ANKFY1: variants seen among roughly 807,000 people sequenced by gnomAD.
ANKFY1 encodes ankyrin repeat and FYVE domain containing 1.
In ANKFY1, 47 loss-of-function variants were observed where a neutral mutation model predicts 128.3. That is an observed-to-expected ratio of 0.37 (90% CI 0.29 to 0.47). The LOEUF (loss-of-function observed/expected upper bound fraction) is 0.47. Among genes scored for constraint, ANKFY1 ranks in the 20% least tolerant of loss-of-function variants. The pLI is 1.00. For synonymous variants in ANKFY1, 553 were observed against 601.6 expected, an observed-to-expected ratio of 0.92 and a Z score of 1.18; for missense variants, 1,222 against 1,510.6, an observed-to-expected ratio of 0.81 and a Z score of 3.17.
At chr17:4,223,159 G>A in intron 3 of ANKFY1, 1 of 788,114 alleles carries the variant, frequency 1.3e-6, no homozygotes, top group Non-Finnish European at 2.3e-6. Context: ...AGGTGACAAT[G>A]ATGCTCACTG....
chr17:4,238,970 C>CTGG (rs1216410965), intron 2 of ANKFY1, among the ~76,000 whole-genome samples: 1 of 151,894 alleles, frequency 6.6e-6, no homozygotes, highest in Non-Finnish European at 1.5e-5. Context: ...TTTGGCCAGG[C>CTGG]TGGTGTCAAA....
intron 3 of ANKFY1, among the ~76,000 whole-genome samples, chr17:4,227,457 GTGTT>G (rs948899746): frequency 9.9e-5 from 15 of 152,152 alleles, no homozygotes; most frequent in African/African-American, 3.1e-4. Flanking sequence ...GTCAAAGAAA[GTGTT>G]TGGCAAAATT....
chr17:4,194,458 CTT>C (rs3051790), intron 10 of ANKFY1: 4 of 101,938 alleles, frequency 3.9e-5, no homozygotes, highest in Middle Eastern at 6.9e-3. Flanking sequence ...TAATATCCAT[CTT>C]TTTTTTTTTT....
Position 4,203,827 on chromosome 17 carries a change from CAA to C in ANKFY1, c.898+2492_898+2493del, listed in dbSNP as rs773865349. Among the ~76,000 whole-genome samples the C allele has an allele frequency of 6.4e-5, 5 of 77,828 alleles. No individual in the cohort carries two copies. In the South Asian group the frequency reaches 2.7e-3, roughly 42 times the overall value. 51.1% of individuals were successfully genotyped at this position (77,828 alleles called of 152,430 possible). ...CGAAACTCCGTCTCAACAACAACAA[CAA>C]AAAAAAAAAAAAAAAGAAAGAAAGA... On this transcript the variant is annotated intron_variant, in intron 7 of 24. Transcript: ENST00000341657.
intron 2 of ANKFY1, 97 bp downstream of exon 2, chr17:4,242,159 A>T: frequency 8.1e-7 from 1 of 1,228,386 alleles, no homozygotes; most frequent in Non-Finnish European, 1.1e-6. Flanking sequence ...TATCCTCATT[A>T]GAGATAAATA....
intron 5 of ANKFY1, 41 bp downstream of exon 5, chr17:4,209,783 G>A: frequency 6.4e-7 from 1 of 1,569,868 alleles, no homozygotes; most frequent in African/African-American, 1.3e-5. Flanking sequence ...TCTCCTGACT[G>A]CCAGCTAGAG....
At chr17:4,213,153 A>G (rs2060164280) in intron 4 of ANKFY1, among the ~76,000 whole-genome samples, 1 of 152,164 alleles carries the variant, frequency 6.6e-6, no homozygotes, top group Admixed American at 6.5e-5. Context: ...TCTGTTTAGC[A>G]GTAAATGCAG....
Position 4,164,837 on chromosome 17 carries a change from A to G in ANKFY1, c.*2942T>C, listed in dbSNP as rs746476086. On this transcript the variant is annotated 3_prime_UTR_variant, in exon 25 of 25. Transcript: ENST00000341657. ...CATTCAGGGACAAGAGTGAGGACACAGAACGGGGTGGTCAGAAATGACTCG... is the reference window on the plus strand; with the variant it reads ...CATTCAGGGACAAGAGTGAGGACACGGAACGGGGTGGTCAGAAATGACTCG... 2 of 152,670 alleles carry G rather than the reference A, an allele frequency of 1.3e-5. No homozygotes were observed. The highest frequency in any genetic ancestry group is 2.9e-5 in the Non-Finnish European group (2 of 68,068). 9.5% of individuals were successfully genotyped at this position (152,670 alleles called of 1,614,324 possible).
intron 19 of ANKFY1, 46 bp from the exon 20 acceptor site, chr17:4,174,102 A>G: frequency 6.2e-7 from 1 of 1,601,566 alleles, no homozygotes; most frequent in Non-Finnish European, 8.5e-7. Context: ...TGCCACAATC[A>G]AGATCCCCCT....
chr17:4,165,231 T>C lies in ANKFY1; in HGVS notation c.*2548A>G, dbSNP rs956593812. The C allele has an allele frequency of 1.3e-5, 2 of 152,270 alleles. No individual in the cohort carries two copies. The highest frequency in any genetic ancestry group is 4.8e-5 in the African/African-American group (2 of 41,476). 9.4% of individuals were successfully genotyped at this position (152,270 alleles called of 1,614,324 possible). On this transcript the variant is annotated 3_prime_UTR_variant, in exon 25 of 25. Coordinates refer to ENST00000341657, the MANE Select transcript of ANKFY1 (RefSeq NM_001330063.2). ...ATACACTGGATAATAAATCTGGCGA[T>C]GAGCAAAGGGCAGTTGAGAGCACAT... is the stretch of plus-strand genomic sequence containing the variant.
At position 4,167,657 on chromosome 17, in the gene ANKFY1, T is replaced by C. The variant is rs2059233446; in HGVS notation, c.*122A>G. On this transcript the variant is annotated 3_prime_UTR_variant, in exon 25 of 25. Coordinates refer to ENST00000341657, the MANE Select transcript of ANKFY1 (RefSeq NM_001330063.2). The surrounding 1 kb of genome is among the most constrained non-coding windows in gnomAD (Gnocchi z 4.1). ...TCTATCACACCATGGTCCTTAATCGTTCCAGTCTATTGCCGCAGGAAGACA... is the reference window on the plus strand; with the variant it reads ...TCTATCACACCATGGTCCTTAATCGCTCCAGTCTATTGCCGCAGGAAGACA... 5.2e-6 allele frequency: 5 copies of C among 953,914 alleles called. No individual in the cohort carries two copies. The South Asian group carries it at 1.0e-4, about 20-fold the overall frequency. The allele number at this position is 953,914 out of a possible 1,614,324, so 59.1% of individuals were successfully genotyped here.
At chr17:4,212,720 GAAGA>G (rs1398231635) in intron 4 of ANKFY1, among the ~76,000 whole-genome samples, 2 of 150,832 alleles carry the variant, frequency 1.3e-5, no homozygotes, top group African/African-American at 4.9e-5. Context: ...GGTGATGGCA[GAAGA>G]AAGAAGGAAG....
At chr17:4,179,214 G>C in intron 17 of ANKFY1, 157 bp from the exon 18 acceptor site, 1 of 770,574 alleles carries the variant, frequency 1.3e-6, no homozygotes, top group Non-Finnish European at 2.1e-6. Context: ...AAAGAGAAAT[G>C]ACTAAATGTC....
intron 1 of ANKFY1, among the ~76,000 whole-genome samples, chr17:4,251,481 A>T (rs947102632): frequency 2.7e-4 from 41 of 151,988 alleles, no homozygotes; most frequent in African/African-American, 8.7e-4. Flanking sequence ...AACAATTTTT[A>T]AAAATGAGCT....
chr17:4,234,077 C>G (rs951442659), intron 3 of ANKFY1, among the ~76,000 whole-genome samples: 2 of 152,144 alleles, frequency 1.3e-5, no homozygotes, highest in Non-Finnish European at 2.9e-5. Context: ...GCATTCAGCA[C>G]AGTAACATGC....
At chr17:4,257,837 T>C (rs1968203401) in intron 1 of ANKFY1, among the ~76,000 whole-genome samples, 1 of 152,242 alleles carries the variant, frequency 6.6e-6, no homozygotes, top group African/African-American at 2.4e-5. Flanking sequence ...CTCCCGACAG[T>C]ACCTTACCAG....
At chr17:4,227,965 T>G (rs1445718300) in intron 3 of ANKFY1, among the ~76,000 whole-genome samples, 1 of 152,180 alleles carries the variant, frequency 6.6e-6, no homozygotes, top group Non-Finnish European at 1.5e-5. Flanking sequence ...TTTGGTAGTT[T>G]CTTAACATTA....
intron 3 of ANKFY1, chr17:4,223,227 G>A: frequency 1.3e-6 from 1 of 789,874 alleles, no homozygotes; most frequent in South Asian, 1.4e-5. Flanking sequence ...ACTCATGGGT[G>A]TATACGAGAA....
At chr17:4,233,505 G>T (rs1164295223) in intron 3 of ANKFY1, among the ~76,000 whole-genome samples, 3 of 152,164 alleles carry the variant, frequency 2.0e-5, no homozygotes, top group African/African-American at 7.2e-5. Context: ...ATGTGCATTT[G>T]TATCTACAAC....
Sources: allele counts gnomAD v4.1 joint callset (sites outside exome capture counted in the v4.1 genomes callset), GRCh38; gene constraint gnomAD v4.1.1; non-coding constraint Gnocchi (gnomAD v3.1); transcripts MANE v1.5; gene names NCBI Gene and HGNC (gene_info 2026-07-23, HGNC 2026-07-21).